Variants in MAPK15 observed in about 807,000 individuals in gnomAD.
The protein encoded by MAPK15 is mitogen-activated protein kinase 15, also known as ERK-7.
A neutral mutation model predicts 60.8 loss-of-function variants in MAPK15; 61 were observed. The observed-to-expected ratio is 1.00, with a 90% CI of 0.82 to 1.24. The LOEUF is 1.24. MAPK15 is among the 50% of genes most tolerant of loss of function. The pLI, the probability that MAPK15 is intolerant of heterozygous loss-of-function variation, is 0.00. For missense variants in MAPK15, 808 were observed against 741.1 expected, an observed-to-expected ratio of 1.09 and a Z score of -1.05; for synonymous variants, 356 against 319.9, an observed-to-expected ratio of 1.11 and a Z score of -1.21.
rs1554620259 is a variant in MAPK15, at chr8:143,722,297, C to A, written c.*46C>A. ...TGGCCCTCTGTTCCTGCCCCAGCCC[C>A]TTCCCCAGACCCCTCTCCAGTCTCC... On this transcript the variant is annotated 3_prime_UTR_variant, in exon 14 of 14. Coordinates refer to ENST00000338033, the MANE Select transcript of MAPK15 (RefSeq NM_139021.3). The A allele has an allele frequency of 6.7e-7, 1 of 1,484,488 alleles. No individual in the cohort carries two copies. The allele number at this position is 1,484,488 out of a possible 1,614,324, so 92.0% of individuals were successfully genotyped here. A position where few individuals can be genotyped will look rare whatever the true frequency, so the allele number is the denominator to read the frequency against.
Position 143,716,453 on chromosome 8 carries a change from T to G in MAPK15, c.66+10T>G. 1 of 1,592,438 alleles carries G rather than the reference T, an allele frequency of 6.3e-7. No individual in the cohort carries two copies. Among genetic ancestry groups the G allele is most frequent in the Non-Finnish European group, 8.5e-7 (1 of 1,172,006 alleles). On this transcript the variant is annotated intron_variant, in intron 1 of 13. Transcript: ENST00000338033. ...GCAGCTCGGGCAGGGGGTGAGTGCC[T>G]GGGGGTGCGTCCGCGCGCCGAGGGG...
rs547931303 is a variant in MAPK15 at position 143,722,017 on chromosome 8, C to T, written c.1459-58C>T. The T allele has an allele frequency of 1.4e-5, 22 of 1,563,230 alleles. No individual in the cohort carries two copies. The South Asian group carries it at 2.6e-4, about 18-fold the overall frequency. On this transcript the variant is annotated intron_variant, in intron 13 of 13. Transcript: ENST00000338033. ...TCAAATCTCTCGAGGACCTCAAGGC[C>T]TCCCCTCCACTGCACCCCCTCTGAT...
Position 143,722,301 on chromosome 8 carries a change from C to T in MAPK15, c.*50C>T, listed in dbSNP as rs1818116676. On this transcript the variant is annotated 3_prime_UTR_variant, in exon 14 of 14. Transcript: ENST00000338033. The stretch of plus-strand genomic sequence containing the variant: ...CCTCTGTTCCTGCCCCAGCCCCTTC[C>T]CCAGACCCCTCTCCAGTCTCCTGCA... 1 of 1,472,218 alleles carries T rather than the reference C, an allele frequency of 6.8e-7. No individual in the cohort carries two copies. The highest frequency in any genetic ancestry group is 9.1e-7 in the Non-Finnish European group (1 of 1,102,200). The allele number at this position is 1,472,218 out of a possible 1,614,324, so 91.2% of individuals were successfully genotyped here. A position where few individuals can be genotyped will look rare whatever the true frequency, so the allele number is the denominator to read the frequency against.
intron 3 of MAPK15, 38 bp from the exon 4 acceptor site, chr8:143,718,174 C>T (rs1554618773): frequency 1.2e-6 from 2 of 1,612,902 alleles, no homozygotes; most frequent in Non-Finnish European, 1.7e-6. Flanking sequence ...GAGCACAGCC[C>T]CTCCTGGCCT....
At position 143,719,069 on chromosome 8, in the gene MAPK15, T is replaced by G; in HGVS notation, c.494T>G (p.Leu165Arg). 1.3e-6 allele frequency: 2 copies of G among 1,581,746 alleles called. No homozygotes were observed. The highest frequency in any genetic ancestry group is 1.7e-6 in the Non-Finnish European group (2 of 1,164,538). ...DFGLARSLGD[L>R]PEGPEDQAVT... ...GGCCTGGCCCGCTCCCTGGGCGACC[T>G]CCCCGAGGGGCCTGAGGACCAGGCC... The change falls in exon 6 of 14, where the codon CTC (leucine) becomes CGC (arginine). Residue 165 changes from leucine to arginine, a missense_variant. Leu to Arg is a moderately radical substitution (Grantham distance 102). Coordinates refer to ENST00000338033, the MANE Select transcript of MAPK15 (RefSeq NM_139021.3).
chr8:143,720,507 G>A lies in MAPK15; in HGVS notation c.780-196G>A, dbSNP rs1818003763. The A allele has an allele frequency of 6.9e-7, 1 of 1,452,852 alleles. No individual in the cohort carries two copies. The allele number at this position is 1,452,852 out of a possible 1,614,324, so 90.0% of individuals were successfully genotyped here. ...GAGGAGCTGTGCCAGGGCGTGGAGA[G>A]GAGGGCACCAGGGGGCCGCAGGGGT... On this transcript the variant is annotated intron_variant, in intron 8 of 13. Transcript: ENST00000338033. This position sits in a 1 kb window ranked among gnomAD's most constrained non-coding sequence, Gnocchi z 4.6.
At position 143,721,416 on chromosome 8, in the gene MAPK15, G is replaced by C. The variant is rs56356045; in HGVS notation, c.1204+5G>C. Reference sequence around the variant, plus strand: ...GCCATGACCCTGCCGAGCACGGTGTGTGATCTTTGCTGGCCGCCCACGCGG... The same window carrying C: ...GCCATGACCCTGCCGAGCACGGTGTCTGATCTTTGCTGGCCGCCCACGCGG... On this transcript the variant is annotated splice_donor_5th_base_variant and intron_variant, in intron 11 of 13. Coordinates refer to ENST00000338033, the MANE Select transcript of MAPK15 (RefSeq NM_139021.3). The C allele has an allele frequency of 1.9e-6, 3 of 1,609,968 alleles. No individual in the cohort carries two copies. In the African/African-American group the frequency reaches 4.0e-5, roughly 22 times the overall value.
In MAPK15 at chr8:143,721,359, G is replaced by C; in HGVS notation, c.1152G>C (p.Gln384His). The change falls in exon 11 of 14, where the codon CAG (glutamine) becomes CAC (histidine). Residue 384 changes from glutamine to histidine, a missense_variant. Coordinates refer to ENST00000338033, the MANE Select transcript of MAPK15 (RefSeq NM_139021.3). ...DPQLPSRTPVQGPRPRPQSSP... is the reference protein window; with the variant it reads ...DPQLPSRTPVHGPRPRPQSSP... Reference sequence around the variant, plus strand: ...AGCTGCCTTCTAGGACACCTGTGCAGGGTCCCAGACCCAGGCCCCAGAGCA... The same window carrying C: ...AGCTGCCTTCTAGGACACCTGTGCACGGTCCCAGACCCAGGCCCCAGAGCA... 6.2e-7 allele frequency: 1 copy of C among 1,613,516 alleles called. No homozygotes were observed. Among genetic ancestry groups the C allele is most frequent in the Non-Finnish European group, 8.5e-7 (1 of 1,179,874 alleles).
chr8:143,717,851 C>T (rs578199451), intron 2 of MAPK15, 59 bp downstream of exon 2: 1 of 1,553,116 alleles, frequency 6.4e-7, no homozygotes, highest in South Asian at 1.1e-5. Context: ...AGCCCCTTGC[C>T]CTGGTGCCTG....
chr8:143,721,642 C>A lies in MAPK15; in HGVS notation c.1298C>A (p.Ala433Glu). 1 of 1,609,026 alleles carries A rather than the reference C, an allele frequency of 6.2e-7. No individual in the cohort carries two copies. Residue 433 changes from alanine (A) to glutamate (E), a missense_variant, in exon 12 of 14, where the codon GCG (alanine) becomes GAG (glutamate). Physicochemically the swap from Ala to Glu is moderately radical, Grantham distance 107. Transcript: ENST00000338033. ...LLGNGERPPG[A>E]KEAPPLTLSL... ...GGGAATGGGGAAAGGCCCCCTGGGG[C>A]GAAGGAAGCGCCCCCCTTGACACTC...
chr8:143,722,126 A>G lies in MAPK15; in HGVS notation c.1510A>G (p.Thr504Ala), dbSNP rs1554620162. The G allele has an allele frequency of 1.2e-6, 2 of 1,611,914 alleles. No individual in the cohort carries two copies. Among genetic ancestry groups the G allele is most frequent in the Non-Finnish European group, 1.7e-6 (2 of 1,179,698 alleles). ...CCGGCCCGGCCGGAGGATGTTCAGC[A>G]CCTCTGCCTTGCAGGGTGCCCAGGG... ...EARPGRRMFS[T>A]SALQGAQGGA... The change falls in exon 14 of 14, where the codon ACC (threonine) becomes GCC (alanine). Residue 504 changes from threonine to alanine, a missense_variant. Transcript: ENST00000338033.
At position 143,719,145 on chromosome 8, in the gene MAPK15, C is replaced by T; in HGVS notation, c.570C>T (p.Leu190=). ...GGTACCGAGCACCGGAGGTGCTGCT[C>T]TCTTCGCACCGGTAATAGCGAGACA... ...TRWYRAPEVL[L]SSHRYTLGVD... Residue 190 remains leucine (L), a synonymous_variant, in exon 6 of 14, where the codon CTC becomes CTT. Coordinates refer to ENST00000338033, the MANE Select transcript of MAPK15 (RefSeq NM_139021.3). 1 of 1,545,286 alleles carries T rather than the reference C, an allele frequency of 6.5e-7. No homozygotes were observed. Among genetic ancestry groups the T allele is most frequent in the Non-Finnish European group, 8.7e-7 (1 of 1,144,690 alleles).
chr8:143,716,573 C>A, intron 1 of MAPK15, 130 bp downstream of exon 1: 2 of 763,580 alleles, frequency 2.6e-6, no homozygotes, highest in Non-Finnish European at 3.9e-6. Context: ...CCTCCGTAGG[C>A]GGGAGAGGTG....
Position 143,720,807 on chromosome 8 carries a change from C to T in MAPK15, c.884C>T (p.Ala295Val), listed in dbSNP as rs56108642. 326 of 1,613,340 alleles carry T rather than the reference C, an allele frequency of 2.0e-4. No homozygotes were observed. Among genetic ancestry groups the T allele is most frequent in the Non-Finnish European group, 2.6e-4 (304 of 1,179,892 alleles). Residue 295 changes from alanine to valine, a missense_variant, in exon 9 of 14, where the codon GCG becomes GTG. Coordinates refer to ENST00000338033, the MANE Select transcript of MAPK15 (RefSeq NM_139021.3). This position sits in a 1 kb window ranked among gnomAD's most constrained non-coding sequence, Gnocchi z 4.6. ...TTCGCCCCGGACAAGCGGTTAAGCG[C>T]GACCCAGGCACTGCAGCACCCCTAC... ...LVFAPDKRLSATQALQHPYVQ... is the reference protein window; with the variant it reads ...LVFAPDKRLSVTQALQHPYVQ...
At chr8:143,719,528 GACAGC>G in intron 7 of MAPK15, 46 bp downstream of exon 7, 2 of 1,592,942 alleles carry the variant, frequency 1.3e-6, no homozygotes, top group South Asian at 1.1e-5. Flanking sequence ...CTGCAGGTCA[GACAGC>G]ACAGCTGTGG....
chr8:143,721,929 T>C lies in MAPK15; in HGVS notation c.1458+49T>C, dbSNP rs1291508468. ...CGTCCCCTCATCCTCCTTTCCCCTT[T>C]CCCCTTCCCCCCTGCTTTTCCCTCC... On this transcript the variant is annotated intron_variant, in intron 13 of 13. Coordinates refer to ENST00000338033, the MANE Select transcript of MAPK15 (RefSeq NM_139021.3). 10 of 1,519,780 alleles carry C rather than the reference T, an allele frequency of 6.6e-6. No homozygotes were observed. In the Admixed American group the frequency reaches 1.9e-4, roughly 30 times the overall value. The allele number at this position is 1,519,780 out of a possible 1,614,324, so 94.1% of individuals were successfully genotyped here.
chr8:143,716,451 C>T lies in MAPK15; in HGVS notation c.66+8C>T, dbSNP rs1554618363. ...CGGCAGCTCGGGCAGGGGGTGAGTGCCTGGGGGTGCGTCCGCGCGCCGAGG... is the reference window on the plus strand; with the variant it reads ...CGGCAGCTCGGGCAGGGGGTGAGTGTCTGGGGGTGCGTCCGCGCGCCGAGG... On this transcript the variant is annotated splice_region_variant and intron_variant, in intron 1 of 13. Transcript: ENST00000338033. 1.3e-6 allele frequency: 2 copies of T among 1,596,006 alleles called. No individual in the cohort carries two copies. The highest frequency in any genetic ancestry group is 1.1e-5 in the South Asian group (1 of 88,920).
chr8:143,720,906 A>G lies in MAPK15; in HGVS notation c.917+66A>G, dbSNP rs1818031743. 2 of 1,585,772 alleles carry G rather than the reference A, an allele frequency of 1.3e-6. No individual in the cohort carries two copies. The highest frequency in any genetic ancestry group is 1.1e-5 in the South Asian group (1 of 89,380). ...GGTGGGGGCAGGAGAGAGCCAGCCC[A>G]TGAGGGACAGCCCCCACAGCAGGGA... On this transcript the variant is annotated intron_variant, in intron 9 of 13. Transcript: ENST00000338033. This position sits in a 1 kb window ranked among gnomAD's most constrained non-coding sequence, Gnocchi z 4.6.
rs782753569 is a variant in MAPK15 at position 143,721,405 on chromosome 8, G to A, written c.1198G>A (p.Glu400Lys). 42 of 1,610,696 alleles carry A rather than the reference G, an allele frequency of 2.6e-5. No homozygotes were observed. The highest frequency in any genetic ancestry group is 9.3e-5 in the African/African-American group (7 of 74,966). The change falls in exon 11 of 14, where the codon GAG becomes AAG. Residue 400 changes from glutamate (E) to lysine (K), a missense_variant. Transcript: ENST00000338033. ...PQSSPGHDPA[E>K]HESPRAAKNV... ...GAGCAGCCCAGGCCATGACCCTGCC[G>A]AGCACGGTGTGTGATCTTTGCTGGC...
Sources: gnomAD v4.1 joint callset for allele counts on GRCh38, gnomAD v4.1.1 for gene constraint, Gnocchi (gnomAD v3.1) non-coding constraint, MANE v1.5 for transcripts, NCBI Gene and HGNC (gene_info 2026-07-23, HGNC 2026-07-21) for gene names.